ABCA13: variants seen among roughly 807,000 people sequenced by gnomAD.
ABCA13 encodes the protein ATP binding cassette subfamily A member 13.
ABCA13 carries 476 observed loss-of-function variants against 478.7 expected under a neutral mutation model. The observed-to-expected ratio is 0.99, with a 90% CI of 0.92 to 1.07. The LOEUF (loss-of-function observed/expected upper bound fraction) is 1.07. Among genes scored for constraint, ABCA13 ranks in the 50% least tolerant of loss-of-function variants. ABCA13 has a pLI of 0.00. For missense variants in ABCA13, 6,060 were observed against 5,910.6 expected (o/e 1.03, Z -0.83); for synonymous variants, 2,252 against 2,158.9 (o/e 1.04, Z -1.20).
intron 55 of ABCA13, among the ~76,000 whole-genome samples, chr7:48,556,468 A>G (rs987570212): frequency 1.3e-5 from 2 of 151,930 alleles, no homozygotes; most frequent in African/African-American, 2.4e-5. Context: ...TATTTGCTTT[A>G]TATATCTGAG....
chr7:48,571,980 G>A (rs1269933781), intron 55 of ABCA13, among the ~76,000 whole-genome samples: 1 of 152,072 alleles, frequency 6.6e-6, no homozygotes, highest in East Asian at 1.9e-4. Flanking sequence ...GAGTTCAACA[G>A]CAGCCTGCCC....
At position 48,490,426 on chromosome 7, in the gene ABCA13, C is replaced by T. The variant is rs1425200130; in HGVS notation, c.13291+1082C>T. ...AGAAAACATCGCCTATCAGCTGTGG[C>T]TCTGAGCAAGGTAATAATGGGGCCA... On this transcript the variant is annotated intron_variant, in intron 48 of 61. Transcript: ENST00000435803. 2.0e-5 allele frequency among the ~76,000 whole-genome samples: 3 copies of T among 152,276 alleles called. No individual in the cohort carries two copies. In the East Asian group the frequency reaches 5.8e-4, roughly 29 times the overall value.
At chr7:48,492,970 G>A (rs1254744592) in intron 48 of ABCA13, among the ~76,000 whole-genome samples, 2 of 152,064 alleles carry the variant, frequency 1.3e-5, no homozygotes, top group African/African-American at 4.8e-5. Flanking sequence ...AGGTTGCAGT[G>A]AGCTAATATC....
intron 55 of ABCA13, among the ~76,000 whole-genome samples, chr7:48,547,583 T>C (rs189096031): frequency 1.3e-4 from 20 of 152,020 alleles, no homozygotes; most frequent in African/African-American, 4.6e-4. Flanking sequence ...AGAGGTGTTC[T>C]TAATTTCACA....
chr7:48,368,355 G>A (rs1054662231), intron 32 of ABCA13, among the ~76,000 whole-genome samples: 1 of 151,770 alleles, frequency 6.6e-6, no homozygotes, highest in African/African-American at 2.4e-5. Flanking sequence ...GTGGTGTTTG[G>A]TTACATGAAT....
intron 51 of ABCA13, among the ~76,000 whole-genome samples, chr7:48,513,339 C>A (rs970607700): frequency 5.9e-5 from 9 of 152,092 alleles, no homozygotes; most frequent in African/African-American, 2.2e-4. Context: ...GATAAACATG[C>A]CTAATCGCAG....
Position 48,516,861 on chromosome 7 carries a change from G to T in ABCA13, c.13777G>T (p.Ala4593Ser), listed in dbSNP as rs774768519. 9 of 1,613,516 alleles carry T rather than the reference G, an allele frequency of 5.6e-6. No individual in the cohort carries two copies. The South Asian group carries it at 8.8e-5, about 16-fold the overall frequency. ...MLITIMPRLLAIISKAKNLQN... is the reference protein window; with the variant it reads ...MLITIMPRLLSIISKAKNLQN... ...CATAACCATTATGCCCCGGTTGCTA[G>T]CCATCATCTCCAAAGCTAAGGTCAG... The change falls in exon 52 of 62, where the codon GCC becomes TCC. Residue 4593 changes from alanine (A) to serine (S), a missense_variant. Physicochemically the swap from Ala to Ser is moderately conservative, Grantham distance 99 (BLOSUM62 1). Around this residue, in one of 3 missense-constraint regions of ABCA13, gnomAD observed 1,627 missense variants for 1,571.0 expected, o/e 1.04. Transcript: ENST00000435803.
At chr7:48,332,565 G>C (rs1472059621) in intron 27 of ABCA13, among the ~76,000 whole-genome samples, 1 of 152,142 alleles carries the variant, frequency 6.6e-6, no homozygotes, top group African/African-American at 2.4e-5. Flanking sequence ...AGTATGGTCT[G>C]TTGTATTCAC....
intron 48 of ABCA13, among the ~76,000 whole-genome samples, chr7:48,501,049 C>T (rs867216550): frequency 6.6e-6 from 1 of 152,174 alleles, no homozygotes; most frequent in Non-Finnish European, 1.5e-5. Flanking sequence ...AACTCAATTA[C>T]TGTCCAGTGC....
chr7:48,216,229 A>C (rs1786455173), intron 3 of ABCA13, among the ~76,000 whole-genome samples: 1 of 152,206 alleles, frequency 6.6e-6, no homozygotes, highest in Non-Finnish European at 1.5e-5. Flanking sequence ...AGAAAGCTTC[A>C]ATTACTCCAC....
rs551373796 is a variant in ABCA13 at position 48,565,940 on chromosome 7, T to C, written c.14355-14284T>C. Reference sequence around the variant, plus strand: ...ATTCAGATATTCAGGATCCAGTCACTTGATGAAAGGGCAGGTGGTAAACTG... The same window carrying C: ...ATTCAGATATTCAGGATCCAGTCACCTGATGAAAGGGCAGGTGGTAAACTG... On this transcript the variant is annotated intron_variant, in intron 55 of 61. Transcript: ENST00000435803. Among the ~76,000 whole-genome samples, 4 of 152,124 alleles carry C rather than the reference T, an allele frequency of 2.6e-5. No homozygotes were observed. The East Asian group carries it at 7.7e-4, about 29-fold the overall frequency.
chr7:48,580,483 T>G, intron 56 of ABCA13, 109 bp downstream of exon 56: 1 of 1,043,576 alleles, frequency 9.6e-7, no homozygotes, highest in Non-Finnish European at 1.4e-6. Flanking sequence ...GGAACTGTAG[T>G]ATCAGATAAA....
chr7:48,259,877 T>C (rs1411848907), intron 15 of ABCA13, among the ~76,000 whole-genome samples: 1 of 152,036 alleles, frequency 6.6e-6, no homozygotes, highest in Non-Finnish European at 1.5e-5. Context: ...AGCTCTGTTG[T>C]TATTTCCTTA....
At position 48,580,369 on chromosome 7, in the gene ABCA13, C is replaced by T. The variant is rs1398457581; in HGVS notation, c.14500C>T (p.Pro4834Ser). The T allele has an allele frequency of 2.5e-5, 40 of 1,611,376 alleles. No homozygotes were observed. The highest frequency in any genetic ancestry group is 3.2e-5 in the Non-Finnish European group (38 of 1,178,830). Residue 4834 changes from proline to serine, a missense_variant, in exon 56 of 62, where the codon CCT becomes TCT. By Grantham distance (74) the Pro-to-Ser change is moderately conservative (BLOSUM62 -1). Around this residue, in one of 3 missense-constraint regions of ABCA13, gnomAD observed 1,627 missense variants for 1,571.0 expected, o/e 1.04. Coordinates refer to ENST00000435803, the MANE Select transcript of ABCA13 (RefSeq NM_152701.5). Reference protein sequence around the residue: ...SLRGIPRQCIPEVAGDLIRRL... With the variant: ...SLRGIPRQCISEVAGDLIRRL... ...ACGCGGGATTCCAAGGCAGTGCATCCCTGAGGTAAATCTCCCTGGGGTCTT... is the reference window on the plus strand; with the variant it reads ...ACGCGGGATTCCAAGGCAGTGCATCTCTGAGGTAAATCTCCCTGGGGTCTT...
chr7:48,312,023 G>A (rs6957225), intron 24 of ABCA13, among the ~76,000 whole-genome samples: 112,727 of 152,124 alleles, frequency 0.74, 42,604 homozygotes, highest in East Asian at 0.99. Context: ...ATGAGTAGAA[G>A]AAGTGACAAA....
intron 48 of ABCA13, among the ~76,000 whole-genome samples, chr7:48,501,025 T>A (rs1830695581): frequency 6.6e-6 from 1 of 152,190 alleles, no homozygotes; most frequent in African/African-American, 2.4e-5. Flanking sequence ...AAATCTCTAT[T>A]TGACCCTTGG....
intron 3 of ABCA13, among the ~76,000 whole-genome samples, chr7:48,217,458 C>T (rs183515972): frequency 5.6e-4 from 85 of 152,262 alleles, no homozygotes; most frequent in South Asian, 2.7e-3. Context: ...TCACCACTGC[C>T]GCTTCTCTTC....
At position 48,528,361 on chromosome 7, in the gene ABCA13, C is replaced by G. The variant is rs1229301071; in HGVS notation, c.14354+16C>G. The G allele has an allele frequency of 2.7e-6, 4 of 1,503,786 alleles. No homozygotes were observed. The highest frequency in any genetic ancestry group is 4.3e-5 in the Admixed American group (2 of 46,608). 93.2% of individuals were successfully genotyped at this position (1,503,786 alleles called of 1,614,324 possible). On this transcript the variant is annotated intron_variant, in intron 55 of 61. Transcript: ENST00000435803. Reference sequence around the variant, plus strand: ...CTCCCATGGGGTAAGATACAGATTTCATCATTTTTGTTGCTTAAAGAGATA... The same window carrying G: ...CTCCCATGGGGTAAGATACAGATTTGATCATTTTTGTTGCTTAAAGAGATA...
intron 1 of ABCA13, among the ~76,000 whole-genome samples, chr7:48,187,071 C>A (rs1009828271): frequency 1.3e-4 from 19 of 149,128 alleles, no homozygotes; most frequent in Middle Eastern, 3.6e-3. Context: ...CCCTGTCTCT[C>A]TATATATATC....
Sources: gnomAD v4.1 joint callset for allele counts (sites outside exome capture counted in the v4.1 genomes callset) on GRCh38, gnomAD v4.1.1 for gene constraint, gnomAD v4.1.1 regional missense constraint, MANE v1.5 for transcripts, NCBI Gene and HGNC (gene_info 2026-07-23, HGNC 2026-07-21) for gene names.